The following TMEM9 variants were observed in gnomAD, a reference collection of about 807,000 sequenced individuals.
TMEM9 encodes transmembrane protein 9.
TMEM9 carries 13 observed loss-of-function variants against 22.8 expected under a neutral mutation model. The ratio of observed to expected loss-of-function variants is 0.57; its 90% confidence interval spans 0.37 to 0.91. The LOEUF is 0.91. Ranked by LOEUF, TMEM9 falls within the 40% of genes least tolerant of loss-of-function variation. TMEM9 has a pLI of 0.01. For missense variants in TMEM9, 182 were observed against 238.1 expected, an observed-to-expected ratio of 0.76 and a Z score of 1.55; for synonymous variants, 88 against 93.0, an observed-to-expected ratio of 0.95 and a Z score of 0.31.
chr1:201,161,026 T>C (rs1665932081), intron 1 of TMEM9, among the ~76,000 whole-genome samples: 1 of 152,168 alleles, frequency 6.6e-6, no homozygotes, highest in African/African-American at 2.4e-5. Flanking sequence ...AACAGAAAAT[T>C]TAAACATATT....
chr1:201,151,598 T>C (rs1665422708), intron 2 of TMEM9, among the ~76,000 whole-genome samples, 163 bp downstream of exon 2: 1 of 152,220 alleles, frequency 6.6e-6, no homozygotes, highest in Admixed American at 6.5e-5. Flanking sequence ...CCACAGACAG[T>C]TGACAACTAT....
At chr1:201,169,495 T>G (rs1215209896) in intron 1 of TMEM9, among the ~76,000 whole-genome samples, 1 of 152,122 alleles carries the variant, frequency 6.6e-6, no homozygotes, top group Non-Finnish European at 1.5e-5. Context: ...CAGAATGCAT[T>G]TAGAGGACAG....
upstream of TMEM9, among the ~76,000 whole-genome samples, chr1:201,157,382 C>G (rs1665828360): frequency 6.6e-6 from 1 of 152,110 alleles, no homozygotes; most frequent in Admixed American, 6.5e-5. Context: ...CATGCCTGGC[C>G]CCCCGGTAGC....
At chr1:201,147,601 G>A (rs1665081399) in intron 2 of TMEM9, among the ~76,000 whole-genome samples, 1 of 152,128 alleles carries the variant, frequency 6.6e-6, no homozygotes, top group African/African-American at 2.4e-5. Context: ...CTCGAGTTTG[G>A]CCTTTCTAAC....
intron 1 of TMEM9, among the ~76,000 whole-genome samples, chr1:201,168,263 T>C (rs1053201640): frequency 1.3e-5 from 2 of 152,196 alleles, no homozygotes; most frequent in Admixed American, 6.5e-5. Context: ...CTCTCTGGGG[T>C]ATATACCTAG....
chr1:201,167,294 G>C (rs1666102077), intron 1 of TMEM9, among the ~76,000 whole-genome samples: 1 of 152,234 alleles, frequency 6.6e-6, no homozygotes, highest in Non-Finnish European at 1.5e-5. Context: ...AGGCTCAGAG[G>C]TTAGGAGTTT....
chr1:201,163,152 T>C (rs952831554), intron 1 of TMEM9, among the ~76,000 whole-genome samples: 5 of 151,826 alleles, frequency 3.3e-5, no homozygotes, highest in African/African-American at 1.2e-4. Context: ...CTGGGTGTGA[T>C]GGTGCACGCC....
rs759588366 is a variant in TMEM9, at chr1:201,143,854, T to C, written c.365A>G (p.Tyr122Cys). The C allele has an allele frequency of 6.2e-7, 1 of 1,614,062 alleles. No homozygotes were observed. The highest frequency in any genetic ancestry group is 1.1e-5 in the South Asian group (1 of 91,078). The change falls in exon 4 of 5, where the codon TAT becomes TGT. Residue 122 changes from tyrosine (Y) to cysteine (C), a missense_variant. Coordinates refer to ENST00000367330, the MANE Select transcript of TMEM9 (RefSeq NM_001288565.2). ...VDPLIRKPDA[Y>C]TEQLHNEEEN... ...CTCCTCATTGTGCAGTTGCTCAGTA[T>C]ATGCATCCGGCTTTCGGATCAGAGG...
chr1:201,168,537 G>T (rs1315726104), intron 1 of TMEM9, among the ~76,000 whole-genome samples: 2 of 152,136 alleles, frequency 1.3e-5, no homozygotes, highest in African/African-American at 4.8e-5. Context: ...TGGCCAACAT[G>T]GTGAAACCCC....
intron 3 of TMEM9, 30 bp downstream of exon 3, chr1:201,146,709 TC>T (rs1665007478): frequency 6.3e-7 from 1 of 1,587,922 alleles, no homozygotes; most frequent in Non-Finnish European, 8.6e-7. Context: ...CGTGTGGGAA[TC>T]CCACTGGCTT....
In TMEM9 at chr1:201,143,948, T is replaced by G; in HGVS notation, c.271A>C (p.Ile91Leu). 6.2e-7 allele frequency: 1 copy of G among 1,614,036 alleles called. No individual in the cohort carries two copies. The highest frequency in any genetic ancestry group is 8.5e-7 in the Non-Finnish European group (1 of 1,179,974). Residue 91 changes from isoleucine (I) to leucine (L), a missense_variant, in exon 4 of 5, where the codon ATC becomes CTC. Coordinates refer to ENST00000367330, the MANE Select transcript of TMEM9 (RefSeq NM_001288565.2). ...ACCACGGACAGGTAGATGACAATGA[T>G]GACCTGAGGAAGAGACCGGCGTGCC... ...EERSTTTIKV[I>L]IVIYLSVVGA...
chr1:201,161,987 G>C (rs1421591194), intron 1 of TMEM9, among the ~76,000 whole-genome samples: 1 of 152,162 alleles, frequency 6.6e-6, no homozygotes, highest in Admixed American at 6.5e-5. Flanking sequence ...AAGAATATTA[G>C]TAACTATGTG....
At chr1:201,141,780 G>T (rs1664547772) in intron 4 of TMEM9, among the ~76,000 whole-genome samples, 1 of 152,070 alleles carries the variant, frequency 6.6e-6, no homozygotes, top group South Asian at 2.1e-4. Flanking sequence ...GGCTTCAAAT[G>T]AGGAGCACTC....
intron 1 of TMEM9, among the ~76,000 whole-genome samples, chr1:201,160,637 T>A (rs2886332): frequency 0.04 from 5,936 of 149,764 alleles, 286 homozygotes; most frequent in African/African-American, 0.12. Context: ...TTTTTTTTTT[T>A]AAAATCGAGG....
chr1:201,150,802 C>T (rs1427626579), intron 2 of TMEM9, among the ~76,000 whole-genome samples: 1 of 152,164 alleles, frequency 6.6e-6, no homozygotes, highest in Admixed American at 6.5e-5. Flanking sequence ...GGTGGTGGTA[C>T]TGGAAATGTG....
At chr1:201,135,839 A>G (rs1249845428) in intron 4 of TMEM9, 24 bp from the exon 5 acceptor site, 2 of 1,570,822 alleles carry the variant, frequency 1.3e-6, no homozygotes, top group Admixed American at 1.9e-5. Flanking sequence ...AAAAAAAGAG[A>G]AGATCTGGCA....
chr1:201,149,597 G>A (rs1665258493), intron 2 of TMEM9, among the ~76,000 whole-genome samples: 1 of 152,134 alleles, frequency 6.6e-6, no homozygotes, highest in Non-Finnish European at 1.5e-5. Flanking sequence ...TAGGTGGCAG[G>A]ATACCTGTAA....
intron 1 of TMEM9, among the ~76,000 whole-genome samples, chr1:201,170,667 T>C (rs1226628468): frequency 6.6e-6 from 1 of 151,518 alleles, no homozygotes; most frequent in Non-Finnish European, 1.5e-5. Flanking sequence ...ATTAAGTCAG[T>C]GCAAAAAATG....
chr1:201,152,122 G>C (rs1037405195), intron 1 of TMEM9, among the ~76,000 whole-genome samples: 3 of 152,146 alleles, frequency 2.0e-5, no homozygotes, highest in Non-Finnish European at 4.4e-5. Context: ...CCCAAAGCAG[G>C]TACTTAGAGG....
Sources: allele counts gnomAD v4.1 joint callset (sites outside exome capture counted in the v4.1 genomes callset), GRCh38; gene constraint gnomAD v4.1.1; transcripts MANE v1.5; gene names NCBI Gene and HGNC (gene_info 2026-07-23, HGNC 2026-07-21).